Variants in FSTL4 observed in about 807,000 individuals in gnomAD.
FSTL4 encodes follistatin like 4.
FSTL4 carries 28 observed loss-of-function variants against 78.2 expected under a neutral mutation model. The observed-to-expected ratio is 0.36, with a 90% confidence interval of 0.27 to 0.49. The LOEUF is 0.49. Among genes scored for constraint, FSTL4 ranks in the 20% least tolerant of loss-of-function variants. The pLI is 0.98. For synonymous variants in FSTL4, 422 were observed against 440.5 expected, an observed-to-expected ratio of 0.96 and a Z score of 0.53; for missense variants, 922 against 1,084.9, an observed-to-expected ratio of 0.85 and a Z score of 2.11.
the FSTL4 span, among the ~76,000 whole-genome samples, chr5:133,729,551 CCATCT>C: frequency 6.6e-6 from 1 of 151,988 alleles, no homozygotes; most frequent in East Asian, 1.9e-4. Flanking sequence ...CATTGTATTA[CCATCT>C]CATCTCTTCT....
At chr5:133,427,612 G>A (rs776029104) in intron 3 of FSTL4, 1 of 526,302 alleles carries the variant, frequency 1.9e-6, no homozygotes. Flanking sequence ...GGCGATAGGG[G>A]TAAAAATGCA....
chr5:133,741,529 A>G, the FSTL4 span, among the ~76,000 whole-genome samples: 1 of 152,226 alleles, frequency 6.6e-6, no homozygotes, highest in African/African-American at 2.4e-5. Context: ...GTGAGCAGCA[A>G]CCACCCATAG....
intron 3 of FSTL4, among the ~76,000 whole-genome samples, chr5:133,563,037 C>G (rs563192223): frequency 6.6e-6 from 1 of 152,160 alleles, no homozygotes; most frequent in Admixed American, 6.5e-5. Flanking sequence ...TATAAAAATA[C>G]CTGCACTGGA....
chr5:133,677,287 C>T, the FSTL4 span, among the ~76,000 whole-genome samples: 2 of 152,216 alleles, frequency 1.3e-5, no homozygotes, highest in African/African-American at 4.8e-5. Flanking sequence ...GGGCCCGAGT[C>T]CTGGGCCCTG....
At chr5:133,644,780 A>G in the FSTL4 span, among the ~76,000 whole-genome samples, 2 of 151,926 alleles carry the variant, frequency 1.3e-5, no homozygotes, top group East Asian at 3.9e-4. Flanking sequence ...TAAGAGGCTG[A>G]CCTCTATGGA....
intron 4 of FSTL4, among the ~76,000 whole-genome samples, chr5:133,339,974 G>A (rs1164144959): frequency 6.6e-6 from 1 of 152,186 alleles, no homozygotes; most frequent in Non-Finnish European, 1.5e-5. Context: ...TGTGGTTTGA[G>A]AATCCTCCCA....
At chr5:133,498,297 C>G (rs1430706497) in intron 3 of FSTL4, among the ~76,000 whole-genome samples, 1 of 152,210 alleles carries the variant, frequency 6.6e-6, no homozygotes, top group African/African-American at 2.4e-5. Flanking sequence ...CTCCCCAAGA[C>G]TCATTATTCA....
chr5:133,502,208 C>A lies in FSTL4; in HGVS notation c.160+64978G>T, dbSNP rs769430226. Among the ~76,000 whole-genome samples, 4 of 152,248 alleles carry A rather than the reference C, an allele frequency of 2.6e-5. No homozygotes were observed. In the South Asian group the frequency reaches 8.3e-4, roughly 32 times the overall value. On this transcript the variant is annotated intron_variant, in intron 3 of 15. Transcript: ENST00000265342. ...CAGCCCTAGGAGACTAACACAGGCA[C>A]GGGTGATGCAAAGACAGAAAGGTTA...
intron 3 of FSTL4, among the ~76,000 whole-genome samples, chr5:133,565,642 C>T (rs73282001): frequency 3.9e-5 from 6 of 152,310 alleles, no homozygotes; most frequent in Non-Finnish European, 1.5e-5. Context: ...AGCCTGACTA[C>T]ACCTTCACTC....
chr5:133,350,251 T>C (rs1421089433), intron 4 of FSTL4, among the ~76,000 whole-genome samples: 1 of 152,272 alleles, frequency 6.6e-6, no homozygotes, highest in African/African-American at 2.4e-5. Flanking sequence ...GGATGGACTA[T>C]ATGTTCTTTC....
the FSTL4 span, among the ~76,000 whole-genome samples, chr5:133,755,499 A>G: frequency 6.6e-6 from 1 of 151,692 alleles, no homozygotes; most frequent in African/African-American, 2.4e-5. Context: ...CTTCCATCAG[A>G]CCCTCACATC....
At chr5:133,707,266 G>A in the FSTL4 span, among the ~76,000 whole-genome samples, 1 of 152,154 alleles carries the variant, frequency 6.6e-6, no homozygotes, top group African/African-American at 2.4e-5. Flanking sequence ...CAGTTGCCAA[G>A]CTCCACGGCC....
chr5:133,298,738 T>C (rs1753465066), intron 6 of FSTL4, among the ~76,000 whole-genome samples: 1 of 152,228 alleles, frequency 6.6e-6, no homozygotes, highest in African/African-American at 2.4e-5. Context: ...CAGTTCGCTC[T>C]GGAAGCTTAC....
chr5:133,311,348 G>A (rs901512430), intron 6 of FSTL4, among the ~76,000 whole-genome samples: 1 of 152,124 alleles, frequency 6.6e-6, no homozygotes, highest in Admixed American at 6.5e-5. Context: ...CGGGGAGGAG[G>A]ATGACGGGGA....
intron 13 of FSTL4, among the ~76,000 whole-genome samples, chr5:133,215,493 TCTG>T (rs1190237160): frequency 1.3e-5 from 2 of 152,210 alleles, no homozygotes; most frequent in Non-Finnish European, 2.9e-5. Context: ...CACCCCCCAA[TCTG>T]CTCCCTGCCT....
the FSTL4 span, among the ~76,000 whole-genome samples, chr5:133,744,007 C>G: frequency 1.4e-4 from 21 of 152,230 alleles, no homozygotes; most frequent in African/African-American, 4.8e-4. Context: ...TGGCTGGCAG[C>G]CAGCGGAGGC....
intron 6 of FSTL4, among the ~76,000 whole-genome samples, chr5:133,305,188 A>G (rs1319284444): frequency 6.6e-6 from 1 of 152,206 alleles, no homozygotes; most frequent in African/African-American, 2.4e-5. Flanking sequence ...GCTGATACTC[A>G]GTCCCCTCTC....
chr5:133,329,911 T>C (rs138836539), intron 4 of FSTL4, among the ~76,000 whole-genome samples: 1 of 152,302 alleles, frequency 6.6e-6, no homozygotes, highest in Middle Eastern at 3.4e-3. Context: ...TTACACGACA[T>C]TCACCCCCTT....
intron 2 of FSTL4, among the ~76,000 whole-genome samples, chr5:133,580,078 T>C (rs1049692970): frequency 3.3e-5 from 5 of 152,156 alleles, no homozygotes; most frequent in Admixed American, 6.5e-5. Flanking sequence ...TGAAGATCCC[T>C]TAATCCAAGA....
Sources: allele counts gnomAD v4.1 joint callset (sites outside exome capture counted in the v4.1 genomes callset), GRCh38; gene constraint gnomAD v4.1.1; transcripts MANE v1.5; gene names NCBI Gene and HGNC (gene_info 2026-07-23, HGNC 2026-07-21).